ADAMTSL1: variants seen among roughly 807,000 people sequenced by gnomAD.
The protein encoded by ADAMTSL1 is ADAMTS-like protein 1.
A neutral mutation model predicts 201.8 loss-of-function variants in ADAMTSL1; 126 were observed. The ratio of observed to expected loss-of-function variants is 0.62; its 90% CI spans 0.54 to 0.72. The LOEUF (loss-of-function observed/expected upper bound fraction) is 0.72, where lower values mean the gene tolerates loss of function less well. ADAMTSL1 is among the 30% of genes least tolerant of loss of function. The pLI, the probability that ADAMTSL1 is intolerant of heterozygous loss-of-function variation, is 0.00. For synonymous variants in ADAMTSL1, 1,121 were observed against 903.4 expected, an observed-to-expected ratio of 1.24 and a Z score of -4.32; for missense variants, 2,679 against 2,277.8, an observed-to-expected ratio of 1.18 and a Z score of -3.59.
intron 2 of ADAMTSL1, among the ~76,000 whole-genome samples, chr9:18,303,749 A>C (rs1031239368): frequency 6.6e-6 from 1 of 152,206 alleles, no homozygotes; most frequent in African/African-American, 2.4e-5. Flanking sequence ...TCTAATGAGG[A>C]GAAGGGTGAT....
intron 26 of ADAMTSL1, among the ~76,000 whole-genome samples, chr9:18,892,798 A>G (rs1353151540): frequency 1.3e-5 from 2 of 152,136 alleles, no homozygotes; most frequent in Non-Finnish European, 2.9e-5. Context: ...CTATGAACCA[A>G]TGTGATTGAA....
At chr9:18,400,133 A>T (rs778308688) in intron 2 of ADAMTSL1, among the ~76,000 whole-genome samples, 2 of 109,330 alleles carry the variant, frequency 1.8e-5, no homozygotes, top group Non-Finnish European at 4.1e-5. Flanking sequence ...CCCTCTTTCC[A>T]AAGCCATTAA....
chr9:18,341,858 A>G (rs1835476280), intron 2 of ADAMTSL1, among the ~76,000 whole-genome samples: 1 of 152,158 alleles, frequency 6.6e-6, no homozygotes, highest in Non-Finnish European at 1.5e-5. Context: ...GAACTGAACC[A>G]AGTGTGCATT....
chr9:18,267,992 T>G (rs1228864357), intron 2 of ADAMTSL1, among the ~76,000 whole-genome samples: 1 of 152,116 alleles, frequency 6.6e-6, no homozygotes, highest in Non-Finnish European at 1.5e-5. Context: ...TTTAAAAAAT[T>G]TAAGTATTGT....
chr9:18,278,841 C>G (rs1832682953), intron 2 of ADAMTSL1, among the ~76,000 whole-genome samples: 1 of 151,960 alleles, frequency 6.6e-6, no homozygotes, highest in South Asian at 2.1e-4. Flanking sequence ...TTTCTTCATT[C>G]TTTTTCTTTC....
At chr9:18,571,661 C>A (rs75840412) in intron 3 of ADAMTSL1, among the ~76,000 whole-genome samples, 2 of 152,132 alleles carry the variant, frequency 1.3e-5, no homozygotes, top group Non-Finnish European at 2.9e-5. Flanking sequence ...GAGACTCTAT[C>A]GTATCTCAAG....
At chr9:18,470,813 T>C (rs1821178321), upstream of ADAMTSL1, among the ~76,000 whole-genome samples, 1 of 150,628 alleles carries the variant, frequency 6.6e-6, no homozygotes, top group Admixed American at 6.7e-5. Flanking sequence ...CCATTTGGAA[T>C]GATGCTTCAG....
intron 9 of ADAMTSL1, among the ~76,000 whole-genome samples, chr9:18,669,877 G>A (rs1324838075): frequency 6.6e-6 from 1 of 152,120 alleles, no homozygotes; most frequent in Non-Finnish European, 1.5e-5. Flanking sequence ...GGTATTCAAG[G>A]TTACATAGAA....
intron 2 of ADAMTSL1, among the ~76,000 whole-genome samples, chr9:18,412,148 A>T (rs1192764652): frequency 6.6e-6 from 1 of 152,156 alleles, no homozygotes; most frequent in African/African-American, 2.4e-5. Flanking sequence ...TCTAGTCCCC[A>T]CTTTTCCTGT....
At position 18,265,036 on chromosome 9, in the gene ADAMTSL1, G is replaced by A. The variant is rs540639426; in HGVS notation, c.207+101055G>A. Among the ~76,000 whole-genome samples, 3 of 152,274 alleles carry A rather than the reference G, an allele frequency of 2.0e-5. No individual in the cohort carries two copies. The South Asian group carries it at 6.2e-4, about 32-fold the overall frequency. ...AGTACCTGGCCTATGGGAAGGACTT[G>A]GTGAACGTTTACACTGGTGTTAGTC... On this transcript the variant is annotated intron_variant, in intron 2 of 29. Coordinates refer to the ADAMTSL1 transcript ENST00000680146.
At chr9:18,031,452 A>G (rs1820952429) in intron 1 of ADAMTSL1, among the ~76,000 whole-genome samples, 1 of 151,952 alleles carries the variant, frequency 6.6e-6, no homozygotes, top group African/African-American at 2.4e-5. Context: ...TGCTTCCTGC[A>G]TTGGGTTTTA....
chr9:18,635,832 TAA>T, intron 5 of ADAMTSL1, 109 bp from the exon 6 acceptor site: 1 of 871,550 alleles, frequency 1.1e-6, no homozygotes, highest in Non-Finnish European at 1.8e-6. Context: ...TTCAAACACT[TAA>T]AAAAACTGTA....
rs1463679156 is a variant in ADAMTSL1, at chr9:18,151,512, G to T, written c.88-12350G>T. On this transcript the variant is annotated intron_variant, in intron 1 of 29. Transcript: ENST00000680146. ...ATACTGTATTTGATTATTTGAAGTT[G>T]TTTTTTTTTTAATCAAGATAAGGGG... 2.7e-5 allele frequency among the ~76,000 whole-genome samples: 4 copies of T among 147,872 alleles called. No homozygotes were observed. The Admixed American group carries it at 2.7e-4, about 10-fold the overall frequency.
At chr9:18,842,444 A>G (rs941377260) in intron 23 of ADAMTSL1, among the ~76,000 whole-genome samples, 1 of 151,658 alleles carries the variant, frequency 6.6e-6, no homozygotes, top group Non-Finnish European at 1.5e-5. Context: ...TGCTGAGGAG[A>G]GCTTTACTTC....
At chr9:18,088,704 A>T (rs1276525307) in intron 1 of ADAMTSL1, among the ~76,000 whole-genome samples, 1 of 152,240 alleles carries the variant, frequency 6.6e-6, no homozygotes, top group Non-Finnish European at 1.5e-5. Context: ...ATACCTATTT[A>T]GGATGGCTAT....
chr9:18,395,592 A>C (rs1181969495), intron 2 of ADAMTSL1, among the ~76,000 whole-genome samples: 2 of 152,188 alleles, frequency 1.3e-5, no homozygotes, highest in African/African-American at 4.8e-5. Context: ...GAATGGTTGG[A>C]GAGTCAGTAT....
intron 8 of ADAMTSL1, among the ~76,000 whole-genome samples, chr9:18,660,760 C>G (rs1212026254): frequency 6.6e-6 from 1 of 151,970 alleles, no homozygotes; most frequent in African/African-American, 2.4e-5. Flanking sequence ...TTATCCATTG[C>G]TTTCGTTACT....
intron 2 of ADAMTSL1, among the ~76,000 whole-genome samples, chr9:18,469,081 C>T (rs1821110952): frequency 1.3e-5 from 2 of 152,344 alleles, no homozygotes; most frequent in East Asian, 1.9e-4. Flanking sequence ...TTACTCTGTT[C>T]TCCACAGCTG....
intron 2 of ADAMTSL1, among the ~76,000 whole-genome samples, chr9:18,248,855 T>C (rs952073751): frequency 6.6e-6 from 1 of 152,216 alleles, no homozygotes; most frequent in Non-Finnish European, 1.5e-5. Context: ...GTGTGTATTA[T>C]ATTTTTTCTT....
Sources: gnomAD v4.1 joint callset for allele counts (sites outside exome capture counted in the v4.1 genomes callset) on GRCh38, gnomAD v4.1.1 for gene constraint, MANE v1.5 for transcripts, NCBI Gene and HGNC (gene_info 2026-07-23, HGNC 2026-07-21) for gene names.